RND2: variants seen among roughly 807,000 people sequenced by gnomAD.
The protein encoded by RND2 is Rho family GTPase 2, also known as rho-related GTP-binding protein RhoN.
RND2 carries 16 observed loss-of-function variants against 25.9 expected under a neutral mutation model. That is an observed-to-expected ratio of 0.62 (90% confidence interval 0.42 to 0.94). The LOEUF (loss-of-function observed/expected upper bound fraction) is 0.94. Among genes scored for constraint, RND2 ranks in the 40% least tolerant of loss-of-function variants. The pLI, the probability that RND2 is intolerant of heterozygous loss-of-function variation, is 0.00. For synonymous variants in RND2, 97 were observed against 118.1 expected (o/e 0.82, Z 1.16); for missense variants, 276 against 305.5 (o/e 0.90, Z 0.72).
intron 1 of RND2, 44 bp downstream of exon 1, chr17:43,025,493 G>C: frequency 6.5e-7 from 1 of 1,534,862 alleles, no homozygotes; most frequent in South Asian, 1.2e-5. Context: ...AGGCTGCTGG[G>C]GGGTGGGTGA....
At position 43,027,263 on chromosome 17, in the gene RND2, C is replaced by T; in HGVS notation, c.271C>T (p.Pro91Ser). 2 of 1,612,758 alleles carry T rather than the reference C, an allele frequency of 1.2e-6. No homozygotes were observed. The highest frequency in any genetic ancestry group is 1.1e-5 in the South Asian group (1 of 90,914). ...GCTCATCTGCTTCGACATTAGCCGA[C>T]CAGAAACACTGGACAGTGTTCTCAA... is the stretch of plus-strand genomic sequence containing the variant. ...AVLICFDISR[P>S]ETLDSVLKKW... Residue 91 changes from proline to serine, a missense_variant, in exon 3 of 5, where the codon CCA becomes TCA. Physicochemically the swap from Pro to Ser is moderately conservative, Grantham distance 74. Coordinates refer to ENST00000587250, the MANE Select transcript of RND2 (RefSeq NM_005440.5).
rs1166593569 is a variant in RND2 at position 43,026,053 on chromosome 17, C to G, written c.190+6C>G. On this transcript the variant is annotated splice_donor_region_variant and intron_variant, in intron 2 of 4. Transcript: ENST00000587250. ...CAACATGTGGGACACTTCAGGTAGC[C>G]AAGTCCCTGGGGGTCACCCTGACTT... 6.2e-7 allele frequency: 1 copy of G among 1,602,238 alleles called. No individual in the cohort carries two copies. The highest frequency in any genetic ancestry group is 1.7e-5 in the Admixed American group (1 of 59,824).
At position 43,025,326 on chromosome 17, in the gene RND2, G is replaced by A; in HGVS notation, c.-22G>A. The A allele has an allele frequency of 6.6e-7, 1 of 1,524,172 alleles. No individual in the cohort carries two copies. The highest frequency in any genetic ancestry group is 1.2e-5 in the South Asian group (1 of 82,008). 94.4% of individuals were successfully genotyped at this position (1,524,172 alleles called of 1,614,324 possible). The stretch of plus-strand genomic sequence containing the variant: ...GGGCCCGGGAGAGGGGTGGCGTGGG[G>A]GACCGGCGCGTAGCCGGGACCATGG... On this transcript the variant is annotated 5_prime_UTR_variant, in exon 1 of 5. Coordinates refer to ENST00000587250, the MANE Select transcript of RND2 (RefSeq NM_005440.5).
rs1382108175 is a variant in RND2, at chr17:43,028,623, C to A, written c.627C>A (p.Asp209Glu). ...CCGCTCAGCTGTCAGGACGGCCAGACCGGGGGAATGAGGGCGAGATACACA... is the reference window on the plus strand; with the variant it reads ...CCGCTCAGCTGTCAGGACGGCCAGAACGGGGGAATGAGGGCGAGATACACA... The part of the protein sequence containing the change: ...QRSAQLSGRP[D>E]RGNEGEIHKD... Residue 209 changes from aspartate (D) to glutamate (E), a missense_variant, in exon 5 of 5, where the codon GAC becomes GAA. By Grantham distance (45) the Asp-to-Glu change is conservative (BLOSUM62 2). Transcript: ENST00000587250. 6.2e-7 allele frequency: 1 copy of A among 1,611,486 alleles called. No individual in the cohort carries two copies. Among genetic ancestry groups the A allele is most frequent in the African/African-American group, 1.3e-5 (1 of 74,870 alleles).
At position 43,027,310 on chromosome 17, in the gene RND2, T is replaced by C. The variant is rs772974271; in HGVS notation, c.300+18T>C. 9 of 1,554,728 alleles carry C rather than the reference T, an allele frequency of 5.8e-6. No individual in the cohort carries two copies. Among genetic ancestry groups the C allele is most frequent in the Non-Finnish European group, 7.1e-6 (8 of 1,132,868 alleles). ...TCAAGAAGGTGGGAGCCTGGGGAAA[T>C]AGGGCAGCTAGACTGAGGGGGACCA... On this transcript the variant is annotated intron_variant, in intron 3 of 4. Coordinates refer to ENST00000587250, the MANE Select transcript of RND2 (RefSeq NM_005440.5).
At chr17:43,026,508 G>A (rs1319530791) in intron 2 of RND2, among the ~76,000 whole-genome samples, 3 of 152,098 alleles carry the variant, frequency 2.0e-5, no homozygotes, top group African/African-American at 4.8e-5. Context: ...AAAATTAATC[G>A]GGCGTGTGGC....
Position 43,029,680 on chromosome 17 carries a change from G to T in RND2, c.*1000G>T, listed in dbSNP as rs1261792764. 1 of 152,200 alleles carries T rather than the reference G, an allele frequency of 6.6e-6. No individual in the cohort carries two copies. Among genetic ancestry groups the T allele is most frequent in the African/African-American group, 2.4e-5 (1 of 41,416 alleles). The allele number at this position is 152,200 out of a possible 1,614,324, so 9.4% of individuals were successfully genotyped here. A position where few individuals can be genotyped will look rare whatever the true frequency, so the allele number is the denominator to read the frequency against. ...GGAGGCCGAGGTGGGCGGATCACAA[G>T]TTCAGGAGATCGAGACCATCCTGGC... On this transcript the variant is annotated 3_prime_UTR_variant, in exon 5 of 5. Coordinates refer to ENST00000587250, the MANE Select transcript of RND2 (RefSeq NM_005440.5).
chr17:43,028,481 C>T lies in RND2; in HGVS notation c.485C>T (p.Ser162Phe), dbSNP rs973924323. ...GGGGCTGTGTCCTATGTTGAGTGCTCCTCCCGGTCCTCTGAGCGCAGCGTC... is the reference window on the plus strand; with the variant it reads ...GGGGCTGTGTCCTATGTTGAGTGCTTCTCCCGGTCCTCTGAGCGCAGCGTC... Reference protein sequence around the residue: ...QVGAVSYVECSSRSSERSVRD... With the variant: ...QVGAVSYVECFSRSSERSVRD... The change falls in exon 5 of 5, where the codon TCC (serine) becomes TTC (phenylalanine). Residue 162 changes from serine to phenylalanine, a missense_variant. Transcript: ENST00000587250. 4 of 1,614,222 alleles carry T rather than the reference C, an allele frequency of 2.5e-6. No individual in the cohort carries two copies. The highest frequency in any genetic ancestry group is 1.1e-5 in the South Asian group (1 of 91,086).
Position 43,027,145 on chromosome 17 carries a change from C to T in RND2, c.191-38C>T, listed in dbSNP as rs747189446. 15 of 1,362,288 alleles carry T rather than the reference C, an allele frequency of 1.1e-5. No homozygotes were observed. The South Asian group carries it at 1.8e-4, about 17-fold the overall frequency. 84.4% of individuals were successfully genotyped at this position (1,362,288 alleles called of 1,614,324 possible). A position where few individuals can be genotyped will look rare whatever the true frequency, so the allele number is the denominator to read the frequency against. ...GGTCTCCCATTCCCTTCCAGGCCTCCCATCCACTCAGGCCCCTCATGCCCT... is the reference window on the plus strand; with the variant it reads ...GGTCTCCCATTCCCTTCCAGGCCTCTCATCCACTCAGGCCCCTCATGCCCT... On this transcript the variant is annotated intron_variant, in intron 2 of 4. Transcript: ENST00000587250.
At chr17:43,027,146 C>A in intron 2 of RND2, 37 bp from the exon 3 acceptor site, 1 of 1,373,350 alleles carries the variant, frequency 7.3e-7, no homozygotes, top group Non-Finnish European at 1.0e-6. Flanking sequence ...CCAGGCCTCC[C>A]ATCCACTCAG....
intron 3 of RND2, 118 bp downstream of exon 3, chr17:43,027,410 C>T (rs1232134413): frequency 7.5e-6 from 5 of 662,776 alleles, no homozygotes; most frequent in East Asian, 2.8e-5. Context: ...AGCTGGTTAG[C>T]GAGTGAAGCT....
In RND2 at chr17:43,025,350, GGA is replaced by G; in HGVS notation, c.5_6del (p.Glu2GlyfsTer40). On this transcript the variant is annotated frameshift_variant, in exon 1 of 5. Coordinates refer to ENST00000587250, the MANE Select transcript of RND2 (RefSeq NM_005440.5). LOFTEE classifies it high-confidence loss of function. M[E>X]GQSGRCKIVV... is the part of the protein sequence containing the mutation. Reference sequence around the variant, plus strand: ...GGGACCGGCGCGTAGCCGGGACCATGGAGGGGCAGAGCGGCCGCTGCAAGATC... The same window carrying G: ...GGGACCGGCGCGTAGCCGGGACCATGGGGGCAGAGCGGCCGCTGCAAGATC... 1 of 1,546,344 alleles carries G rather than the reference GGA, an allele frequency of 6.5e-7. No individual in the cohort carries two copies. The highest frequency in any genetic ancestry group is 8.7e-7 in the Non-Finnish European group (1 of 1,145,846).
chr17:43,026,563 C>T (rs956849841), intron 2 of RND2, among the ~76,000 whole-genome samples: 7 of 152,164 alleles, frequency 4.6e-5, no homozygotes, highest in East Asian at 3.8e-4. Flanking sequence ...GCAAGAGAAT[C>T]GCTGGAACCT....
Position 43,028,680 on chromosome 17 carries a change from A to G in RND2, c.684A>G (p.Ter228TrpextTer26). ...GAGCCAAAAGCTGCAACCTCATGTG[A>G]GGGGCTAGGAGAGGGCAGAGTGTGA... ...KDRAKSCNLM[*>W] Residue 228 changes from the stop codon to tryptophan (W), a stop_lost, in exon 5 of 5, where the codon TGA (stop) becomes TGG (tryptophan). Transcript: ENST00000587250. The G allele has an allele frequency of 6.4e-7, 1 of 1,561,682 alleles. No individual in the cohort carries two copies.
chr17:43,031,181 CA>C lies in RND2; in HGVS notation c.*2502del, dbSNP rs1340520737. 1 of 152,070 alleles carries C rather than the reference CA, an allele frequency of 6.6e-6. No individual in the cohort carries two copies. Among genetic ancestry groups the C allele is most frequent in the Non-Finnish European group, 1.5e-5 (1 of 68,002 alleles). 9.4% of individuals were successfully genotyped at this position (152,070 alleles called of 1,614,324 possible). A position where few individuals can be genotyped will look rare whatever the true frequency, so the allele number is the denominator to read the frequency against. On this transcript the variant is annotated 3_prime_UTR_variant, in exon 5 of 5. Coordinates refer to ENST00000587250, the MANE Select transcript of RND2 (RefSeq NM_005440.5). ...TTCTCCTTTCCCTTATGCCAGGTTCCAGTCTTGAGAGGAAAGGAATCCCTAC... is the reference window on the plus strand; with the variant it reads ...TTCTCCTTTCCCTTATGCCAGGTTCCGTCTTGAGAGGAAAGGAATCCCTAC...
At position 43,028,893 on chromosome 17, in the gene RND2, C is replaced by CCCATG; in HGVS notation, c.*213_*214insCCATG. 5.8e-6 allele frequency: 4 copies of CCCATG among 692,272 alleles called. No homozygotes were observed. The highest frequency in any genetic ancestry group is 9.3e-6 in the Non-Finnish European group (4 of 431,196). 42.9% of individuals were successfully genotyped at this position (692,272 alleles called of 1,614,324 possible). The stretch of plus-strand genomic sequence containing the variant: ...CTCCAGTGGATGTTGAGGGAGCTAA[C>CCCATG]AGGGCTGGCATCTGGGGCATGAACT... On this transcript the variant is annotated 3_prime_UTR_variant, in exon 5 of 5. Coordinates refer to ENST00000587250, the MANE Select transcript of RND2 (RefSeq NM_005440.5).
In RND2 at chr17:43,025,975, G is replaced by A. The variant is rs748245588; in HGVS notation, c.118G>A (p.Val40Met). 18 of 1,612,396 alleles carry A rather than the reference G, an allele frequency of 1.1e-5. No homozygotes were observed. Among genetic ancestry groups the A allele is most frequent in the Non-Finnish European group, 1.5e-5 (18 of 1,178,792 alleles). Reference sequence around the variant, plus strand: ...GTGTCTGCAGAGTTATGTCCCCACCGTGTTTGAGAACTACACTGCGAGCTT... The same window carrying A: ...GTGTCTGCAGAGTTATGTCCCCACCATGTTTGAGAACTACACTGCGAGCTT... ...DAYPGSYVPTVFENYTASFEI... is the reference protein window; with the variant it reads ...DAYPGSYVPTMFENYTASFEI... The change falls in exon 2 of 5, where the codon GTG becomes ATG. Residue 40 changes from valine (V) to methionine (M), a missense_variant. Coordinates refer to ENST00000587250, the MANE Select transcript of RND2 (RefSeq NM_005440.5).
intron 1 of RND2, among the ~76,000 whole-genome samples, 168 bp from the exon 2 acceptor site, chr17:43,025,792 C>G (rs1227547324): frequency 2.3e-4 from 1 of 4,280 alleles, no homozygotes; most frequent in Non-Finnish European, 4.6e-4. Flanking sequence ...AGAGATTCTC[C>G]GGGGGGGGGG....
intron 2 of RND2, 74 bp from the exon 3 acceptor site, chr17:43,027,109 A>G: frequency 1.1e-6 from 1 of 870,038 alleles, no homozygotes. Flanking sequence ...TCCCTTGACC[A>G]GGATCTGTAA....
Sources: allele counts gnomAD v4.1 joint callset (sites outside exome capture counted in the v4.1 genomes callset), GRCh38; gene constraint gnomAD v4.1.1; transcripts MANE v1.5; gene names NCBI Gene and HGNC (gene_info 2026-07-23, HGNC 2026-07-21).